GARIN5B: variants seen among roughly 807,000 people sequenced by gnomAD.
GARIN5B encodes the protein golgi associated RAB2 interactor family member 5B.
the GARIN5B span, chr19:55,363,178 C>G: frequency 8.7e-7 from 1 of 1,154,068 alleles, no homozygotes; most frequent in Non-Finnish European, 1.2e-6. This position sits in a 1 kb window ranked among gnomAD's most constrained non-coding sequence, Gnocchi z 4.0. Flanking sequence ...GCCTGGAGCT[C>G]AGCGTTACAG....
the GARIN5B span, among the ~76,000 whole-genome samples, chr19:55,355,744 GT>G: frequency 5.9e-5 from 9 of 152,160 alleles, no homozygotes; most frequent in Non-Finnish European, 1.2e-4. Flanking sequence ...CTAGCATTTT[GT>G]GGGGCAGAGG....
At chr19:55,355,446 G>A in the GARIN5B span, 3 of 1,235,722 alleles carry the variant, frequency 2.4e-6, no homozygotes, top group East Asian at 2.6e-5. Context: ...TTAGGAGAGC[G>A]TCCCCCAGGG....
the GARIN5B span, chr19:55,363,153 T>TG: frequency 7.4e-7 from 1 of 1,344,052 alleles, no homozygotes; most frequent in African/African-American, 1.5e-5. This position sits in a 1 kb window ranked among gnomAD's most constrained non-coding sequence, Gnocchi z 4.0. Context: ...CCTTGACCCG[T>TG]GGGGCTTCAC....
chr19:55,359,939 T>A, the GARIN5B span: 2 of 1,550,928 alleles, frequency 1.3e-6, no homozygotes, highest in Non-Finnish European at 1.7e-6. Context: ...CTCAACCACA[T>A]GTCCCTGGCC....
the GARIN5B span, chr19:55,358,949 C>T: frequency 6.4e-7 from 1 of 1,551,226 alleles, no homozygotes; most frequent in Non-Finnish European, 8.7e-7. Flanking sequence ...CTCCAACTTC[C>T]CCTGGCCCCT....
At chr19:55,362,852 C>T in the GARIN5B span, 3 of 1,470,464 alleles carry the variant, frequency 2.0e-6, no homozygotes, top group East Asian at 2.5e-5. Context: ...CTCAAGATCC[C>T]CCAGCACGGG....
chr19:55,359,447 G>A, the GARIN5B span: 1 of 1,546,020 alleles, frequency 6.5e-7, no homozygotes, highest in Middle Eastern at 1.9e-4. Flanking sequence ...AGCAGGTATG[G>A]CTGGGGCCTT....
chr19:55,362,909 C>T, the GARIN5B span: 2 of 1,498,616 alleles, frequency 1.3e-6, no homozygotes, highest in Middle Eastern at 1.7e-4. Flanking sequence ...GCACTGGGAA[C>T]TGGAGACCTG....
chr19:55,356,601 T>C, the GARIN5B span, among the ~76,000 whole-genome samples: 1 of 151,886 alleles, frequency 6.6e-6, no homozygotes, highest in African/African-American at 2.4e-5. Context: ...CCACCAACTT[T>C]TTTTGTTTTC....
the GARIN5B span, chr19:55,359,441 G>A: frequency 6.5e-7 from 1 of 1,549,740 alleles, no homozygotes; most frequent in Non-Finnish European, 8.7e-7. Flanking sequence ...GGATGGAGCA[G>A]GTATGGCTGG....
At chr19:55,357,779 C>T in the GARIN5B span, among the ~76,000 whole-genome samples, 47 of 152,318 alleles carry the variant, frequency 3.1e-4, no homozygotes, top group Non-Finnish European at 4.7e-4. Flanking sequence ...GGGGGCCAGG[C>T]GTGGTGGCTC....
chr19:55,362,002 A>G, the GARIN5B span, among the ~76,000 whole-genome samples: 1 of 111,354 alleles, frequency 9.0e-6, no homozygotes, highest in East Asian at 2.2e-4. Flanking sequence ...CCAGGACCCC[A>G]GGCCCTTCTT....
At chr19:55,359,331 G>A in the GARIN5B span, 5 of 1,515,760 alleles carry the variant, frequency 3.3e-6, no homozygotes, top group Non-Finnish European at 4.5e-6. Context: ...GGAATGGTAG[G>A]TACAGATGGG....
the GARIN5B span, chr19:55,361,320 A>C: frequency 4.5e-6 from 7 of 1,538,956 alleles, no homozygotes; most frequent in African/African-American, 5.5e-5. Flanking sequence ...GGAGGGCCCC[A>C]CCAAGGAAGG....
At chr19:55,362,444 T>G in the GARIN5B span, 1 of 1,549,892 alleles carries the variant, frequency 6.5e-7, no homozygotes, top group Non-Finnish European at 8.7e-7. Context: ...CAGGCGCAGC[T>G]TCAGGCGCCA....
At chr19:55,361,535 T>C in the GARIN5B span, 6 of 1,212,062 alleles carry the variant, frequency 5.0e-6, no homozygotes, top group Non-Finnish European at 6.7e-6. Flanking sequence ...GACCTGACGA[T>C]CCAGCTCCTC....
chr19:55,360,004 A>C, the GARIN5B span: 2 of 1,520,322 alleles, frequency 1.3e-6, no homozygotes, highest in Non-Finnish European at 1.8e-6. Flanking sequence ...AGGGGAGAGG[A>C]TACATGGTCA....
the GARIN5B span, chr19:55,359,381 G>A: frequency 6.5e-7 from 1 of 1,549,862 alleles, no homozygotes; most frequent in Non-Finnish European, 8.7e-7. Flanking sequence ...GGGTGGGGCA[G>A]GTACGGCTGA....
At chr19:55,362,675 C>T in the GARIN5B span, 1 of 1,545,296 alleles carries the variant, frequency 6.5e-7, no homozygotes, top group East Asian at 2.4e-5. Context: ...GCGGCCACGC[C>T]CATGGCCAGC....
Sources: allele counts gnomAD v4.1 joint callset (sites outside exome capture counted in the v4.1 genomes callset), GRCh38; gene constraint gnomAD v4.1.1; non-coding constraint Gnocchi (gnomAD v3.1); transcripts MANE v1.5; gene names NCBI Gene and HGNC (gene_info 2026-07-23, HGNC 2026-07-21).